Variants in ERBB4 observed in about 807,000 individuals in gnomAD.
ERBB4 encodes receptor tyrosine-protein kinase erbB-4.
Under a neutral mutation model 158.0 loss-of-function variants are expected in ERBB4, and 42 were observed. The ratio of observed to expected loss-of-function variants is 0.27; its 90% CI spans 0.21 to 0.34. ERBB4 has a LOEUF of 0.34. Among genes scored for constraint, ERBB4 ranks in the 10% least tolerant of loss-of-function variants. The pLI is 1.00. For missense variants in ERBB4, 1,333 were observed against 1,624.1 expected, an observed-to-expected ratio of 0.82 and a Z score of 3.08; for synonymous variants, 583 against 558.7, an observed-to-expected ratio of 1.04 and a Z score of -0.61.
chr2:211,486,208 C>T (rs1038108155), intron 20 of ERBB4, among the ~76,000 whole-genome samples: 1 of 152,088 alleles, frequency 6.6e-6, no homozygotes, highest in Non-Finnish European at 1.5e-5. Flanking sequence ...GAGTACCTTG[C>T]TTTCCTTTTC....
chr2:212,049,926 T>C (rs781383123), intron 2 of ERBB4, among the ~76,000 whole-genome samples: 2 of 152,120 alleles, frequency 1.3e-5, no homozygotes, highest in South Asian at 2.1e-4. Flanking sequence ...TAATGACCCA[T>C]CAATAGAAAA....
intron 20 of ERBB4, among the ~76,000 whole-genome samples, chr2:211,473,289 C>T (rs1009431112): frequency 6.6e-6 from 1 of 152,158 alleles, no homozygotes; most frequent in East Asian, 1.9e-4. Flanking sequence ...GAAATGGGTT[C>T]TCCCCCAGGG....
intron 1 of ERBB4, among the ~76,000 whole-genome samples, chr2:212,443,323 C>T (rs2092290249): frequency 6.6e-6 from 1 of 152,214 alleles, no homozygotes; most frequent in African/African-American, 2.4e-5. Flanking sequence ...ATAGCAAACA[C>T]ACTGAACTTA....
chr2:211,741,775 A>T (rs1389797047), intron 5 of ERBB4, among the ~76,000 whole-genome samples: 1 of 152,184 alleles, frequency 6.6e-6, no homozygotes, highest in Admixed American at 6.5e-5. Context: ...AGAGTATTTT[A>T]AATATATACA....
intron 21 of ERBB4, among the ~76,000 whole-genome samples, chr2:211,430,692 T>C (rs1370081800): frequency 2.0e-5 from 3 of 152,082 alleles, no homozygotes; most frequent in Non-Finnish European, 4.4e-5. Flanking sequence ...GGTACAGACA[T>C]GCATCATCTT....
chr2:211,597,791 C>T (rs2068682658), intron 19 of ERBB4, among the ~76,000 whole-genome samples: 1 of 152,010 alleles, frequency 6.6e-6, no homozygotes, highest in South Asian at 2.1e-4. Flanking sequence ...AAAAATATTA[C>T]TTAAAAATGA....
rs562431028 is a variant in ERBB4 at position 211,794,812 on chromosome 2, G to A, written c.422-6653C>T. Among the ~76,000 whole-genome samples, 67 of 151,734 alleles carry A rather than the reference G, an allele frequency of 4.4e-4. 1 individual carries two copies. The South Asian group carries it at 6.4e-3, about 15-fold the overall frequency. On this transcript the variant is annotated intron_variant, in intron 3 of 27. Transcript: ENST00000342788. ...ATTGTCTTATTATATAATCCCATAC[G>A]TGTGTCAACGTCTAACTTTTTTCTA...
chr2:211,428,812 G>A (rs565734408), intron 21 of ERBB4, among the ~76,000 whole-genome samples: 1 of 152,148 alleles, frequency 6.6e-6, no homozygotes, highest in East Asian at 1.9e-4. Context: ...CTGCCTACCA[G>A]GCTCAAGTGA....
At chr2:211,782,053 T>G (rs2106303218) in intron 4 of ERBB4, among the ~76,000 whole-genome samples, 1 of 152,270 alleles carries the variant, frequency 6.6e-6, no homozygotes. Flanking sequence ...CGGTTTTCCT[T>G]AGGTGCTTTC....
chr2:212,244,240 T>G (rs1381474331), intron 1 of ERBB4, among the ~76,000 whole-genome samples: 1 of 152,138 alleles, frequency 6.6e-6, no homozygotes, highest in Admixed American at 6.6e-5. Flanking sequence ...GAAATCATTT[T>G]TTTTCCATTG....
At chr2:212,527,252 A>T (rs1335284991) in intron 1 of ERBB4, among the ~76,000 whole-genome samples, 2 of 152,126 alleles carry the variant, frequency 1.3e-5, no homozygotes, top group African/African-American at 2.4e-5. Flanking sequence ...TATTCTAAAA[A>T]TTATCTCTAT....
chr2:211,401,571 G>A (rs1270977803), intron 25 of ERBB4, among the ~76,000 whole-genome samples: 1 of 152,022 alleles, frequency 6.6e-6, no homozygotes, highest in Non-Finnish European at 1.5e-5. Flanking sequence ...CACACTAAGA[G>A]AGGCATGTAG....
At chr2:212,114,980 C>A (rs1265769743) in intron 2 of ERBB4, among the ~76,000 whole-genome samples, 1 of 152,122 alleles carries the variant, frequency 6.6e-6, no homozygotes, top group Admixed American at 6.6e-5. Flanking sequence ...TCATGATAGA[C>A]ACTTTTATTT....
At chr2:211,896,595 A>AT (rs1216307610) in intron 3 of ERBB4, among the ~76,000 whole-genome samples, 1 of 152,120 alleles carries the variant, frequency 6.6e-6, no homozygotes, top group Non-Finnish European at 1.5e-5. Flanking sequence ...AGCATAAAAT[A>AT]ATCTTTTTTG....
intron 20 of ERBB4, among the ~76,000 whole-genome samples, chr2:211,540,620 G>A (rs1431490673): frequency 6.6e-6 from 1 of 151,762 alleles, no homozygotes; most frequent in Non-Finnish European, 1.5e-5. Flanking sequence ...CTGGAGTGCA[G>A]TGGCGTGATC....
At chr2:211,662,384 T>G (rs1182685396) in intron 15 of ERBB4, among the ~76,000 whole-genome samples, 1 of 152,172 alleles carries the variant, frequency 6.6e-6, no homozygotes, top group Non-Finnish European at 1.5e-5. Flanking sequence ...CATTCCTAAG[T>G]TTTAAATTCT....
intron 20 of ERBB4, among the ~76,000 whole-genome samples, chr2:211,554,106 T>C (rs2067174663): frequency 6.6e-6 from 1 of 152,166 alleles, no homozygotes; most frequent in Admixed American, 6.5e-5. Flanking sequence ...GTCCTCTAAT[T>C]CCGGAGTGCC....
chr2:211,789,373 G>A (rs754801003), intron 3 of ERBB4, among the ~76,000 whole-genome samples: 3 of 152,150 alleles, frequency 2.0e-5, no homozygotes, highest in South Asian at 2.1e-4. Flanking sequence ...GCCATCCTCA[G>A]TGTGTCAGTT....
At chr2:212,093,169 T>C (rs1017135837) in intron 2 of ERBB4, among the ~76,000 whole-genome samples, 13 of 152,198 alleles carry the variant, frequency 8.5e-5, no homozygotes, top group Admixed American at 6.5e-4. Context: ...TATCAGAGGA[T>C]ATAGGCGAGC....
Sources: allele counts gnomAD v4.1 joint callset (sites outside exome capture counted in the v4.1 genomes callset), GRCh38; gene constraint gnomAD v4.1.1; transcripts MANE v1.5; gene names NCBI Gene and HGNC (gene_info 2026-07-23, HGNC 2026-07-21).